The following DNAH14 variants were observed in gnomAD, a reference collection of about 807,000 sequenced individuals.
DNAH14 encodes the protein axonemal beta dynein heavy chain 14.
DNAH14 carries 478 observed loss-of-function variants against 520.9 expected under a neutral mutation model. That is an observed-to-expected ratio of 0.92 (90% confidence interval 0.85 to 0.99). The LOEUF (loss-of-function observed/expected upper bound fraction) is 0.99, where lower values mean the gene tolerates loss of function less well. DNAH14 is among the 50% of genes least tolerant of loss of function. The probability of loss-of-function intolerance (pLI) is 0.00; values close to 1 mark genes in which losing one functional copy is unlikely to be tolerated. For synonymous variants in DNAH14, 1,581 were observed against 1,757.2 expected, an observed-to-expected ratio of 0.90 and a Z score of 2.51; for missense variants, 4,831 against 5,234.5, an observed-to-expected ratio of 0.92 and a Z score of 2.38.
intron 17 of DNAH14, among the ~76,000 whole-genome samples, chr1:225,076,321 T>G (rs1043001855): frequency 6.6e-6 from 1 of 152,146 alleles, no homozygotes; most frequent in Admixed American, 6.5e-5. Flanking sequence ...GGGTTATAGG[T>G]CCCTGCCTGG....
rs956695379 is a variant in DNAH14 at position 225,182,756 on chromosome 1, T to A, written c.5536-2535T>A. On this transcript the variant is annotated intron_variant, in intron 36 of 85. Transcript: ENST00000682510. ...CAGGCATAACACCATGGCCCCTCAT[T>A]CCAGGCTGGTGAGCACAAAGAGAGT... Among the ~76,000 whole-genome samples, 6 of 152,220 alleles carry A rather than the reference T, an allele frequency of 3.9e-5. No individual in the cohort carries two copies. In the East Asian group the frequency reaches 9.7e-4, roughly 25 times the overall value.
Position 225,270,826 on chromosome 1 carries a change from T to C in DNAH14, c.7631T>C (p.Leu2544Ser), listed in dbSNP as rs1387878359. ...CTCAAACACTTTTCCATGCTGGTAT[T>C]ACCTCATCCTTCACAAGACATCTTA... ...RLLKHFSMLV[L>S]PHPSQDILCT... Residue 2544 changes from leucine to serine, a missense_variant, in exon 50 of 86, where the codon TTA becomes TCA. Transcript: ENST00000682510. 1 of 1,551,400 alleles carries C rather than the reference T, an allele frequency of 6.4e-7. No individual in the cohort carries two copies. The highest frequency in any genetic ancestry group is 1.2e-5 in the South Asian group (1 of 84,054).
intron 11 of DNAH14, among the ~76,000 whole-genome samples, chr1:225,037,076 CTTT>C (rs1281652973): frequency 3.3e-5 from 5 of 152,004 alleles, no homozygotes; most frequent in Admixed American, 6.6e-5. Flanking sequence ...CATGGAATAT[CTTT>C]TTTTGTAGCT....
At chr1:224,975,305 C>T (rs1235643907) in intron 8 of DNAH14, among the ~76,000 whole-genome samples, 1 of 152,052 alleles carries the variant, frequency 6.6e-6, no homozygotes, top group African/African-American at 2.4e-5. Flanking sequence ...GGAATAGTAC[C>T]AGTTCCTCCT....
Position 225,183,017 on chromosome 1 carries a change from A to G in DNAH14, c.5536-2274A>G, listed in dbSNP as rs116056040. ...CAGCTGCAGCAGCTATGCAGAGCCCATGTCACTCTTTTCCCAGCTCCAGGC... is the reference window on the plus strand; with the variant it reads ...CAGCTGCAGCAGCTATGCAGAGCCCGTGTCACTCTTTTCCCAGCTCCAGGC... On this transcript the variant is annotated intron_variant, in intron 36 of 85. Transcript: ENST00000682510. 5.0e-3 allele frequency among the ~76,000 whole-genome samples: 762 copies of G among 152,198 alleles called. 6 individuals carry two copies. The highest frequency in any genetic ancestry group is 0.017 in the African/African-American group (719 of 41,526).
At chr1:225,237,253 A>AG (rs2091653303) in intron 42 of DNAH14, among the ~76,000 whole-genome samples, 1 of 152,158 alleles carries the variant, frequency 6.6e-6, no homozygotes, top group South Asian at 2.1e-4. Flanking sequence ...AGGCTCATAA[A>AG]GGATTTTTTT....
intron 11 of DNAH14, among the ~76,000 whole-genome samples, chr1:225,032,126 C>T (rs903143421): frequency 6.6e-6 from 1 of 151,614 alleles, no homozygotes; most frequent in Non-Finnish European, 1.5e-5. Context: ...AAGGTTTTTA[C>T]ATAAATAAAC....
At chr1:224,943,828 G>C (rs1228807642) in intron 1 of DNAH14, among the ~76,000 whole-genome samples, 1 of 152,150 alleles carries the variant, frequency 6.6e-6, no homozygotes, top group Non-Finnish European at 1.5e-5. Context: ...TTAATCCTGA[G>C]TTCTAGTTTG....
intron 7 of DNAH14, among the ~76,000 whole-genome samples, chr1:224,971,970 T>C (rs1433788942): frequency 2.0e-5 from 3 of 152,230 alleles, no homozygotes; most frequent in African/African-American, 4.8e-5. Context: ...TAAGATATTA[T>C]CCAAAGTACT....
At chr1:225,173,937 A>T (rs559916437) in intron 36 of DNAH14, among the ~76,000 whole-genome samples, 1 of 152,246 alleles carries the variant, frequency 6.6e-6, no homozygotes, top group African/African-American at 2.4e-5. Context: ...GGCATAAAAA[A>T]ATGATGAGTT....
chr1:225,034,119 A>G (rs542363287), intron 11 of DNAH14, among the ~76,000 whole-genome samples: 20 of 152,240 alleles, frequency 1.3e-4, no homozygotes, highest in African/African-American at 4.8e-4. Flanking sequence ...GTGGTGAGAG[A>G]GGACATCCTT....
At chr1:225,283,280 C>T (rs952826468) in intron 54 of DNAH14, among the ~76,000 whole-genome samples, 2 of 151,724 alleles carry the variant, frequency 1.3e-5, no homozygotes, top group Non-Finnish European at 2.9e-5. Context: ...ATGCTATCAA[C>T]AAAAGCCACA....
At chr1:225,239,429 G>C (rs1040336102) in intron 42 of DNAH14, among the ~76,000 whole-genome samples, 1 of 152,102 alleles carries the variant, frequency 6.6e-6, no homozygotes, top group African/African-American at 2.4e-5. Context: ...GGGTGGAAGG[G>C]GGTTCCTTTG....
At chr1:224,992,102 T>C (rs1446659141) in intron 8 of DNAH14, among the ~76,000 whole-genome samples, 1 of 151,584 alleles carries the variant, frequency 6.6e-6, no homozygotes, top group Non-Finnish European at 1.5e-5. Flanking sequence ...ATATGTCTGA[T>C]TTTTTTTTCT....
At chr1:225,082,190 G>GTGTGTGTGTGTGTT (rs1162678183) in intron 19 of DNAH14, among the ~76,000 whole-genome samples, 9 of 151,794 alleles carry the variant, frequency 5.9e-5, no homozygotes, top group Non-Finnish European at 1.3e-4. Context: ...GTGTGTGTGT[G>GTGTGTGTGTGTGTT]TGTGTGTGCA....
chr1:225,180,550 C>A (rs757637255), intron 36 of DNAH14, among the ~76,000 whole-genome samples: 1 of 152,028 alleles, frequency 6.6e-6, no homozygotes, highest in Non-Finnish European at 1.5e-5. Context: ...GGGCAAGATG[C>A]CAGGCTTTTT....
chr1:225,052,388 G>A (rs2068621387), intron 17 of DNAH14, among the ~76,000 whole-genome samples: 2 of 152,068 alleles, frequency 1.3e-5, no homozygotes, highest in African/African-American at 4.8e-5. Context: ...AAGTTTCTAG[G>A]ACAGCTTAGA....
At chr1:225,281,291 A>G (rs1333835271) in intron 54 of DNAH14, among the ~76,000 whole-genome samples, 3 of 152,120 alleles carry the variant, frequency 2.0e-5, no homozygotes, top group Non-Finnish European at 2.9e-5. Flanking sequence ...GCCTTTATCC[A>G]TCTGTAAAGC....
chr1:225,212,958 G>A (rs988693745), intron 41 of DNAH14, among the ~76,000 whole-genome samples: 16 of 152,176 alleles, frequency 1.1e-4, no homozygotes, highest in African/African-American at 3.9e-4. Flanking sequence ...ATTACTTTTG[G>A]TGTTTTAGTC....
Sources: allele counts gnomAD v4.1 joint callset (sites outside exome capture counted in the v4.1 genomes callset), GRCh38; gene constraint gnomAD v4.1.1; transcripts MANE v1.5; gene names NCBI Gene and HGNC (gene_info 2026-07-23, HGNC 2026-07-21).